The following TENM2 variants were observed in gnomAD, a reference collection of about 807,000 sequenced individuals.
TENM2 encodes the protein teneurin transmembrane protein 2.
TENM2 carries 52 observed loss-of-function variants against 245.2 expected under a neutral mutation model. The ratio of observed to expected loss-of-function variants is 0.21; its 90% CI spans 0.17 to 0.27. TENM2 has a LOEUF of 0.27. Ranked by LOEUF, TENM2 falls within the 10% of genes least tolerant of loss-of-function variation. The probability of loss-of-function intolerance (pLI) is 1.00; values close to 1 mark genes in which losing one functional copy is unlikely to be tolerated. For missense variants in TENM2, 3,046 were observed against 3,666.8 expected (o/e 0.83, Z 4.37); for synonymous variants, 1,363 against 1,438.9 (o/e 0.95, Z 1.19).
intron 5 of TENM2, among the ~76,000 whole-genome samples, chr5:168,008,045 A>G (rs575197866): frequency 6.6e-6 from 1 of 152,342 alleles, no homozygotes; most frequent in South Asian, 2.1e-4. Context: ...TTCATTCAAG[A>G]GAAACTATGC....
exon 2 of TENM2, chr5:167,375,241 C>G: frequency 1.3e-6 from 2 of 1,551,700 alleles, no homozygotes; most frequent in South Asian, 2.4e-5. Flanking sequence ...GTGAGCCCTC[C>G]CCACACCGAA....
chr5:167,137,056 T>G, the TENM2 span, among the ~76,000 whole-genome samples: 1 of 152,192 alleles, frequency 6.6e-6, no homozygotes, highest in African/African-American at 2.4e-5. Flanking sequence ...CTGCTGAGAC[T>G]TCTCATGGCA....
At position 168,118,495 on chromosome 5, in the gene TENM2, G is replaced by T. The variant is rs763991320; in HGVS notation, c.2008+9G>T. On this transcript the variant is annotated intron_variant, in intron 10 of 28. Coordinates refer to ENST00000518659, the Ensembl canonical transcript of TENM2. ...CGAGCACTGTGAGGAAGGTAAGCCC[G>T]CCGGCCCCGGGGCTAGGCAGCAGTG... 7 of 1,504,460 alleles carry T rather than the reference G, an allele frequency of 4.7e-6. No individual in the cohort carries two copies. The South Asian group carries it at 9.5e-5, about 20-fold the overall frequency. The allele number at this position is 1,504,460 out of a possible 1,614,324, so 93.2% of individuals were successfully genotyped here.
chr5:167,025,495 T>A, the TENM2 span, among the ~76,000 whole-genome samples: 1 of 152,182 alleles, frequency 6.6e-6, no homozygotes, highest in African/African-American at 2.4e-5. Flanking sequence ...TTAAATAAAA[T>A]TAAAAACTAA....
At chr5:168,238,449 A>G (rs991114886) in intron 25 of TENM2, among the ~76,000 whole-genome samples, 4 of 152,072 alleles carry the variant, frequency 2.6e-5, no homozygotes, top group Non-Finnish European at 5.9e-5. Context: ...GACCCCCCTC[A>G]CTAATCTTTT....
At chr5:167,447,210 A>G (rs1765281458) in intron 2 of TENM2, among the ~76,000 whole-genome samples, 1 of 152,230 alleles carries the variant, frequency 6.6e-6, no homozygotes, top group Non-Finnish European at 1.5e-5. Flanking sequence ...ATCCTATGAA[A>G]TACAGATAGC....
intron 9 of TENM2, among the ~76,000 whole-genome samples, chr5:168,115,348 G>GAGGAAAGGA (rs1794975106): frequency 8.6e-6 from 1 of 115,940 alleles, no homozygotes; most frequent in Non-Finnish European, 1.8e-5. Context: ...GGAAGGAAAG[G>GAGGAAAGGA]AGGGAAGGAA....
chr5:167,642,304 G>A (rs1261170088), intron 2 of TENM2, among the ~76,000 whole-genome samples: 1 of 152,068 alleles, frequency 6.6e-6, no homozygotes, highest in African/African-American at 2.4e-5. Context: ...CAGGGAATGA[G>A]AAGGAGACAA....
chr5:167,103,904 A>G, the TENM2 span, among the ~76,000 whole-genome samples: 3 of 151,676 alleles, frequency 2.0e-5, no homozygotes, highest in African/African-American at 4.8e-5. Context: ...ACGCATGCGC[A>G]CACACACACA....
intron 2 of TENM2, among the ~76,000 whole-genome samples, chr5:167,596,792 C>T (rs1201142559): frequency 2.1e-5 from 2 of 94,622 alleles, no homozygotes; most frequent in African/African-American, 3.2e-5. Flanking sequence ...CTAGATTCTG[C>T]CTCAAAAAAA....
At chr5:168,052,822 A>G (rs1789224758) in intron 6 of TENM2, among the ~76,000 whole-genome samples, 1 of 147,732 alleles carries the variant, frequency 6.8e-6, no homozygotes, top group South Asian at 2.1e-4. Context: ...TACCCTTTGA[A>G]AAAAAAAATT....
chr5:168,111,463 G>A (rs1794663814), intron 9 of TENM2, among the ~76,000 whole-genome samples: 1 of 152,150 alleles, frequency 6.6e-6, no homozygotes, highest in African/African-American at 2.4e-5. Flanking sequence ...TCAGGTCAGA[G>A]ATGAGCATCA....
the TENM2 span, among the ~76,000 whole-genome samples, chr5:167,214,271 A>G: frequency 6.6e-6 from 1 of 152,232 alleles, no homozygotes; most frequent in Non-Finnish European, 1.5e-5. Context: ...GCTGAAGTCA[A>G]GTAACTCATG....
intron 2 of TENM2, among the ~76,000 whole-genome samples, chr5:167,512,497 C>T (rs1275428423): frequency 1.3e-5 from 2 of 152,102 alleles, no homozygotes; most frequent in Non-Finnish European, 2.9e-5. Context: ...CCCTACACTC[C>T]GAGGGATGTA....
intron 2 of TENM2, among the ~76,000 whole-genome samples, chr5:167,731,076 C>G (rs955815212): frequency 6.6e-6 from 1 of 151,984 alleles, no homozygotes; most frequent in Admixed American, 6.6e-5. Flanking sequence ...TTTCCATGAA[C>G]AAGGCAACAT....
intron 25 of TENM2, among the ~76,000 whole-genome samples, chr5:168,231,690 A>C (rs1399164326): frequency 6.6e-6 from 1 of 151,910 alleles, no homozygotes; most frequent in Non-Finnish European, 1.5e-5. Context: ...ATTTTCGCCT[A>C]GGGGTTCAAG....
At chr5:167,174,964 C>T in the TENM2 span, among the ~76,000 whole-genome samples, 1 of 151,742 alleles carries the variant, frequency 6.6e-6, no homozygotes, top group Non-Finnish European at 1.5e-5. Flanking sequence ...GCACAATGTC[C>T]TCTTGATTCA....
intron 2 of TENM2, among the ~76,000 whole-genome samples, chr5:167,840,210 G>T (rs896275221): frequency 2.6e-5 from 4 of 152,166 alleles, no homozygotes; most frequent in Non-Finnish European, 5.9e-5. Flanking sequence ...TGATCTGAGG[G>T]TCTGATTATA....
chr5:167,677,736 CTTA>C (rs1280969121), intron 2 of TENM2, among the ~76,000 whole-genome samples: 4 of 148,440 alleles, frequency 2.7e-5, no homozygotes, highest in South Asian at 2.1e-4. Flanking sequence ...TGTTTATATA[CTTA>C]TTATATATTT....
Sources: allele counts gnomAD v4.1 joint callset (sites outside exome capture counted in the v4.1 genomes callset), GRCh38; gene constraint gnomAD v4.1.1; transcripts MANE v1.5; gene names NCBI Gene and HGNC (gene_info 2026-07-23, HGNC 2026-07-21).